The following DHRSX variants were observed in gnomAD, a reference collection of about 807,000 sequenced individuals.
DHRSX encodes dehydrogenase/reductase X-linked.
In DHRSX, 31 loss-of-function variants were observed where a neutral mutation model predicts 34.0. The ratio of observed to expected loss-of-function variants is 0.91; its 90% CI spans 0.69 to 1.23. The LOEUF (loss-of-function observed/expected upper bound fraction) is 1.23, where lower values mean the gene tolerates loss of function less well. Among genes scored for constraint, DHRSX ranks in the 50% most tolerant of loss-of-function variants. DHRSX has a pLI of 0.00. For synonymous variants in DHRSX, 201 were observed against 183.8 expected (o/e 1.09, Z -0.76); for missense variants, 414 against 428.1 (o/e 0.97, Z 0.29).
At chrX:2,466,026 TTGTTACATCCATTCCTGAACACGACGCC>T (rs1173216294) in intron 1 of DHRSX, among the ~76,000 whole-genome samples, 3 of 152,114 alleles carry the variant, frequency 2.0e-5, no homozygotes, top group Non-Finnish European at 4.4e-5. Context: ...TTTATGCACA[TTGTTACATCCATTCCTGAACACGACGCC>T]TGTTACATCC....
chrX:2,371,464 C>CT (rs2043065897), intron 3 of DHRSX, among the ~76,000 whole-genome samples: 1 of 142,010 alleles, frequency 7.0e-6, no homozygotes, highest in Non-Finnish European at 1.6e-5. Context: ...AGTCCCTCCT[C>CT]GTTACCATAG....
At chrX:2,354,132 T>G (rs1382260325) in intron 3 of DHRSX, among the ~76,000 whole-genome samples, 1 of 152,094 alleles carries the variant, frequency 6.6e-6, no homozygotes, top group Non-Finnish European at 1.5e-5. Context: ...CTGGTGGCCA[T>G]TCCCACCCTG....
intron 1 of DHRSX, among the ~76,000 whole-genome samples, chrX:2,485,806 G>GGAAGGGAGAGAAAGAAA (rs2044899491): frequency 2.0e-5 from 1 of 50,426 alleles, no homozygotes; most frequent in Admixed American, 2.3e-4. Flanking sequence ...AGAGAAGGAA[G>GGAAGGGAGAGAAAGAAA]GAAGGGAGAG....
At chrX:2,438,457 G>A (rs983264231) in intron 1 of DHRSX, among the ~76,000 whole-genome samples, 14 of 152,002 alleles carry the variant, frequency 9.2e-5, no homozygotes, top group African/African-American at 3.4e-4. Flanking sequence ...GATCACCTGA[G>A]GTCAGAAGTT....
Position 2,474,133 on chromosome X carries a change from G to A in DHRSX, c.109+26684C>T, listed in dbSNP as rs970745399. Among the ~76,000 whole-genome samples, 8 of 150,318 alleles carry A rather than the reference G, an allele frequency of 5.3e-5. No homozygotes were observed. In the East Asian group the frequency reaches 5.8e-4, roughly 11 times the overall value. On this transcript the variant is annotated intron_variant, in intron 1 of 6. Coordinates refer to ENST00000334651, the MANE Select transcript of DHRSX (RefSeq NM_145177.3). ...CAAAAGCAGCTTACAGGGTGGAAAGGACACAGACACAGACACTCAGAAGAA... is the reference window on the plus strand; with the variant it reads ...CAAAAGCAGCTTACAGGGTGGAAAGAACACAGACACAGACACTCAGAAGAA...
intron 1 of DHRSX, chrX:2,490,760 G>A (rs763902284): frequency 2.0e-5 from 31 of 1,588,610 alleles, no homozygotes. Flanking sequence ...GGCTGCTCAT[G>A]CGTGGGGACC....
chrX:2,462,549 T>C (rs958036018), intron 1 of DHRSX, among the ~76,000 whole-genome samples: 1 of 151,122 alleles, frequency 6.6e-6, no homozygotes, highest in African/African-American at 2.4e-5. Context: ...AAAAAAACAA[T>C]GTTAGATAGT....
At chrX:2,493,180 G>T (rs1441187791) in intron 1 of DHRSX, among the ~76,000 whole-genome samples, 1 of 152,170 alleles carries the variant, frequency 6.6e-6, no homozygotes, top group East Asian at 1.9e-4. Context: ...ACAAAACGAG[G>T]AACCCCCAAA....
intron 4 of DHRSX, among the ~76,000 whole-genome samples, chrX:2,275,140 T>C (rs771482995): frequency 2.6e-5 from 4 of 152,242 alleles, no homozygotes; most frequent in Admixed American, 2.6e-4. Flanking sequence ...TCGGCATCAG[T>C]AAAATTCTAT....
intron 5 of DHRSX, 86 bp downstream of exon 5, chrX:2,266,654 G>GAGCGCCAC (rs2041478310): frequency 7.5e-7 from 1 of 1,328,076 alleles, no homozygotes; most frequent in African/African-American, 1.4e-5. Flanking sequence ...CAGATGCAGG[G>GAGCGCCAC]AGCGCCACAC....
intron 3 of DHRSX, among the ~76,000 whole-genome samples, chrX:2,307,079 T>C (rs1453185153): frequency 6.6e-6 from 1 of 152,084 alleles, no homozygotes; most frequent in Non-Finnish European, 1.5e-5. Context: ...AATTATGTGT[T>C]GGATGAAGAA....
intron 3 of DHRSX, among the ~76,000 whole-genome samples, chrX:2,384,386 G>C (rs181122883): frequency 6.6e-6 from 1 of 152,126 alleles, no homozygotes. Flanking sequence ...TGGAGAACAC[G>C]GACGTGGTTG....
At chrX:2,451,910 C>A (rs2044224299) in intron 1 of DHRSX, among the ~76,000 whole-genome samples, 1 of 151,366 alleles carries the variant, frequency 6.6e-6, no homozygotes, top group Admixed American at 6.6e-5. Context: ...GAAGACGTTC[C>A]CTAGGCATGT....
intron 3 of DHRSX, among the ~76,000 whole-genome samples, chrX:2,325,342 T>G (rs1056312922): frequency 6.6e-6 from 1 of 151,932 alleles, no homozygotes; most frequent in Non-Finnish European, 1.5e-5. Flanking sequence ...CGGCAGGAAC[T>G]AGGGACTAGA....
intron 1 of DHRSX, among the ~76,000 whole-genome samples, chrX:2,485,620 G>T (rs1291356065): frequency 4.4e-5 from 5 of 113,520 alleles, no homozygotes; most frequent in East Asian, 6.2e-4. Context: ...CAGAGGGAAG[G>T]AAGGAGGGAG....
chrX:2,296,018 T>C (rs1338284671), intron 3 of DHRSX, among the ~76,000 whole-genome samples: 1 of 152,004 alleles, frequency 6.6e-6, no homozygotes, highest in Non-Finnish European at 1.5e-5. Flanking sequence ...TAAACGCAAA[T>C]GTGTCACCTC....
Position 2,485,974 on chromosome X carries a change from C to T in DHRSX, c.109+14843G>A, listed in dbSNP as rs185121290. ...GCTGAAGAAGAGAGGGAGGGTTGGA[C>T]GGAAGGAGGAGGGAAGGAAGAGACC... On this transcript the variant is annotated intron_variant, in intron 1 of 6. Transcript: ENST00000334651. 2.9e-3 allele frequency among the ~76,000 whole-genome samples: 429 copies of T among 145,616 alleles called. 1 individual carries two copies. Among genetic ancestry groups the T allele is most frequent in the African/African-American group, 0.01 (395 of 39,114 alleles).
intron 1 of DHRSX, among the ~76,000 whole-genome samples, chrX:2,477,004 A>AAAAC (rs751362216): frequency 1.9e-3 from 282 of 152,292 alleles, no homozygotes; most frequent in African/African-American, 6.6e-3. Context: ...CTCCATCTCG[A>AAAAC]AAACAAACAA....
At chrX:2,489,377 T>C in intron 1 of DHRSX, 1 of 1,613,960 alleles carries the variant, frequency 6.2e-7, no homozygotes, top group Non-Finnish European at 8.5e-7. Flanking sequence ...GATGACCTCC[T>C]TGGCCATGCT....
Sources: allele counts gnomAD v4.1 joint callset (sites outside exome capture counted in the v4.1 genomes callset), GRCh38; gene constraint gnomAD v4.1.1; transcripts MANE v1.5; gene names NCBI Gene and HGNC (gene_info 2026-07-23, HGNC 2026-07-21).